The following TMTC1 variants were observed in gnomAD, a reference collection of about 807,000 sequenced individuals.
The protein encoded by TMTC1 is transmembrane O-mannosyltransferase targeting cadherins 1.
In TMTC1, 73 loss-of-function variants were observed where a neutral mutation model predicts 104.8. The observed-to-expected ratio is 0.70, with a 90% confidence interval of 0.58 to 0.85. The LOEUF is 0.85. Ranked by LOEUF, TMTC1 falls within the 40% of genes least tolerant of loss-of-function variation. The probability of loss-of-function intolerance (pLI) is 0.00; values close to 1 mark genes in which losing one functional copy is unlikely to be tolerated. For synonymous variants in TMTC1, 434 were observed against 428.7 expected (o/e 1.01, Z -0.15); for missense variants, 1,035 against 1,096.1 (o/e 0.94, Z 0.79).
At chr12:29,727,324 G>A (rs1396712987) in intron 5 of TMTC1, among the ~76,000 whole-genome samples, 2 of 152,092 alleles carry the variant, frequency 1.3e-5, no homozygotes, top group Non-Finnish European at 1.5e-5. Flanking sequence ...GAGAAAGTGT[G>A]GGAACTTGGG....
chr12:29,784,171 C>G (rs1943906029), upstream of TMTC1: 1 of 152,264 alleles, frequency 6.6e-6, no homozygotes, highest in African/African-American at 2.4e-5. Context: ...CTTGCGGTGT[C>G]CGGCTGTGCT....
intron 10 of TMTC1, among the ~76,000 whole-genome samples, chr12:29,538,876 A>G (rs570261476): frequency 3.3e-4 from 51 of 152,340 alleles, no homozygotes; most frequent in African/African-American, 1.2e-3. Flanking sequence ...GGCAGAGAAG[A>G]CATTTCTTTT....
At chr12:29,784,567 C>T (rs564639800), upstream of TMTC1, 3 of 152,376 alleles carry the variant, frequency 2.0e-5, no homozygotes, top group South Asian at 6.2e-4. Context: ...TCCTGCTCGC[C>T]CTGCCCGGGT....
intron 5 of TMTC1, among the ~76,000 whole-genome samples, chr12:29,701,258 G>A (rs1333750384): frequency 1.3e-5 from 2 of 152,162 alleles, no homozygotes; most frequent in Non-Finnish European, 2.9e-5. Flanking sequence ...GAGGCTTCCT[G>A]CTGCGGGAGT....
At chr12:29,582,874 C>T (rs191091173) in intron 8 of TMTC1, among the ~76,000 whole-genome samples, 170 of 152,288 alleles carry the variant, frequency 1.1e-3, no homozygotes, top group African/African-American at 3.7e-3. Context: ...GAGAGCCAGG[C>T]GAAGGTCGCC....
intron 8 of TMTC1, among the ~76,000 whole-genome samples, chr12:29,575,407 G>T (rs961378944): frequency 6.6e-6 from 1 of 151,956 alleles, no homozygotes; most frequent in African/African-American, 2.4e-5. Context: ...ATTAAGAGGA[G>T]AATTCCATAC....
chr12:29,667,689 C>T (rs778456638), intron 5 of TMTC1, among the ~76,000 whole-genome samples: 12 of 152,128 alleles, frequency 7.9e-5, no homozygotes, highest in Non-Finnish European at 1.3e-4. Flanking sequence ...CTTAGAGGAC[C>T]TTATTTTTAT....
intron 5 of TMTC1, among the ~76,000 whole-genome samples, chr12:29,693,132 A>G (rs1941313213): frequency 6.9e-6 from 1 of 145,152 alleles, no homozygotes; most frequent in African/African-American, 2.5e-5. Context: ...ACACATAATA[A>G]TTATAAATAT....
chr12:29,623,456 T>C (rs541729254), intron 6 of TMTC1, among the ~76,000 whole-genome samples: 15 of 152,294 alleles, frequency 9.8e-5, no homozygotes, highest in Non-Finnish European at 1.5e-4. Context: ...TTTTGGTAAA[T>C]TGGAGAAGAA....
intron 5 of TMTC1, chr12:29,661,027 G>A (rs1780091058): frequency 2.6e-6 from 1 of 382,874 alleles, no homozygotes; most frequent in African/African-American, 2.1e-5. Context: ...AGAACACCTG[G>A]GTTTCCGTTC....
intron 6 of TMTC1, among the ~76,000 whole-genome samples, chr12:29,614,274 A>G (rs939595205): frequency 2.0e-5 from 3 of 152,220 alleles, no homozygotes; most frequent in African/African-American, 7.2e-5. Context: ...GTACTCACCC[A>G]AAATCAAAAT....
chr12:29,665,075 T>C (rs1048096354), intron 5 of TMTC1, among the ~76,000 whole-genome samples: 5 of 152,270 alleles, frequency 3.3e-5, no homozygotes, highest in South Asian at 2.1e-4. Flanking sequence ...GTCTAAAATA[T>C]TGTGATCCTT....
chr12:29,623,299 C>T (rs1178869544), intron 6 of TMTC1, among the ~76,000 whole-genome samples: 2 of 152,066 alleles, frequency 1.3e-5, no homozygotes, highest in African/African-American at 4.8e-5. Flanking sequence ...GTCTTACATG[C>T]CTTAATTTGT....
At chr12:29,759,452 G>T (rs117284595) in intron 2 of TMTC1, among the ~76,000 whole-genome samples, 1 of 152,118 alleles carries the variant, frequency 6.6e-6, no homozygotes, top group Non-Finnish European at 1.5e-5. Flanking sequence ...AGCTGTGATC[G>T]TGCCACTGCA....
chr12:29,765,883 T>G (rs1368813899), intron 2 of TMTC1, among the ~76,000 whole-genome samples: 1 of 152,202 alleles, frequency 6.6e-6, no homozygotes, highest in Non-Finnish European at 1.5e-5. Context: ...TCCAAGTTAT[T>G]GGCAAATATC....
intron 7 of TMTC1, among the ~76,000 whole-genome samples, chr12:29,593,246 ATTG>A (rs1324322140): frequency 6.6e-6 from 1 of 152,222 alleles, no homozygotes; most frequent in African/African-American, 2.4e-5. Flanking sequence ...ACATCAAAGA[ATTG>A]TTGTGTGGAA....
chr12:29,667,279 T>C (rs1015799354), intron 5 of TMTC1, among the ~76,000 whole-genome samples: 6 of 152,174 alleles, frequency 3.9e-5, no homozygotes, highest in Non-Finnish European at 8.8e-5. Context: ...CAAATAAAGA[T>C]TCTGAAGGAA....
Position 29,516,418 on chromosome 12 carries a change from C to T in TMTC1, c.2238G>A (p.Glu746=), listed in dbSNP as rs769153049. 1 of 1,614,090 alleles carries T rather than the reference C, an allele frequency of 6.2e-7. No individual in the cohort carries two copies. The highest frequency in any genetic ancestry group is 1.7e-5 in the Admixed American group (1 of 60,012). The change falls in exon 15 of 18, where the codon GAG becomes GAA. Residue 746 remains glutamate, a synonymous_variant. Transcript: ENST00000539277. ...GATAGCATTCAAGGCATCCGGTCTC[C>T]TCTGACACAATGTGATTGGTCATCT... is the stretch of plus-strand genomic sequence containing the variant. ...AEKMTNHIVS[E]ETGCLECYRL...
chr12:29,608,633 C>G (rs1488987276), intron 6 of TMTC1, among the ~76,000 whole-genome samples: 1 of 152,074 alleles, frequency 6.6e-6, no homozygotes, highest in African/African-American at 2.4e-5. Context: ...GATAGATTCG[C>G]TATTATAGGT....
Sources: gnomAD v4.1 joint callset for allele counts (sites outside exome capture counted in the v4.1 genomes callset) on GRCh38, gnomAD v4.1.1 for gene constraint, MANE v1.5 for transcripts, NCBI Gene and HGNC (gene_info 2026-07-23, HGNC 2026-07-21) for gene names.